Variants in NSUN7 observed in about 807,000 individuals in gnomAD.
NSUN7 encodes NOP2/Sun RNA methyltransferase family member 7.
A neutral mutation model predicts 58.5 loss-of-function variants in NSUN7; 39 were observed. That is an observed-to-expected ratio of 0.67 (90% confidence interval 0.52 to 0.87). The LOEUF is 0.87. NSUN7 is among the 40% of genes least tolerant of loss of function. The probability of loss-of-function intolerance (pLI) is 0.00; values close to 1 mark genes in which losing one functional copy is unlikely to be tolerated. For missense variants in NSUN7, 765 were observed against 844.1 expected (o/e 0.91, Z 1.16); for synonymous variants, 278 against 303.7 (o/e 0.92, Z 0.88).
At chr4:40,777,539 C>T (rs1029763716) in intron 7 of NSUN7, among the ~76,000 whole-genome samples, 3 of 152,172 alleles carry the variant, frequency 2.0e-5, no homozygotes, top group African/African-American at 7.2e-5. Context: ...TGGTCTCGAA[C>T]TCCTGACCTC....
Position 40,750,953 on chromosome 4 carries a change from A to G in NSUN7, c.260A>G (p.Gln87Arg). ...TCCGAGTCTGAGGATCAGTCCTTTCAGCGTTTGTCTTATGAGCTGGCTTTC... is the reference window on the plus strand; with the variant it reads ...TCCGAGTCTGAGGATCAGTCCTTTCGGCGTTTGTCTTATGAGCTGGCTTTC... ...SLSESEDQSF[Q>R]RLSYELAFSA... Residue 87 changes from glutamine (Q) to arginine (R), a missense_variant, in exon 2 of 12, where the codon CAG becomes CGG. By Grantham distance (43) the Gln-to-Arg change is conservative. Transcript: ENST00000381782. The G allele has an allele frequency of 6.2e-7, 1 of 1,614,204 alleles. No individual in the cohort carries two copies. Among genetic ancestry groups the G allele is most frequent in the Non-Finnish European group, 8.5e-7 (1 of 1,180,024 alleles).
At chr4:40,798,928 A>G (rs1201201478) in intron 10 of NSUN7, 24 bp downstream of exon 10, 1 of 1,107,422 alleles carries the variant, frequency 9.0e-7, no homozygotes, top group Non-Finnish European at 1.3e-6. Context: ...GGATTCTTCT[A>G]AACAACTCAA....
chr4:40,752,882 C>T lies in NSUN7; in HGVS notation c.298+1891C>T, dbSNP rs982616163. The stretch of plus-strand genomic sequence containing the variant: ...GTAATTTTTCTTTTCCTTTTAAGTC[C>T]GTCTTAACCATTCTTCCTCCAGTTT... On this transcript the variant is annotated intron_variant, in intron 2 of 11. Transcript: ENST00000381782. Among the ~76,000 whole-genome samples the T allele has an allele frequency of 1.1e-3, 11 of 10,078 alleles. No individual in the cohort carries two copies. The African/African-American group carries it at 0.016, about 15-fold the overall frequency. The allele number at this position is 10,078 out of a possible 152,430, so 6.6% of individuals were successfully genotyped here.
intron 8 of NSUN7, among the ~76,000 whole-genome samples, chr4:40,792,379 T>C (rs1463235654): frequency 6.6e-6 from 1 of 151,644 alleles, no homozygotes; most frequent in Non-Finnish European, 1.5e-5. Flanking sequence ...ATAAGGAAAG[T>C]GGGGAAAGGA....
rs1255706295 is a variant in NSUN7 at position 40,790,550 on chromosome 4, T to A, written c.1037-52T>A. The A allele has an allele frequency of 2.5e-6, 3 of 1,191,336 alleles. No individual in the cohort carries two copies. The East Asian group carries it at 7.4e-5, about 29-fold the overall frequency. The allele number at this position is 1,191,336 out of a possible 1,614,324, so 73.8% of individuals were successfully genotyped here. ...TAAATAGATACAATCACATACTACA[T>A]TAAGATTTTTCATTAATATTTTACA... On this transcript the variant is annotated intron_variant, in intron 7 of 11. Coordinates refer to ENST00000381782, the MANE Select transcript of NSUN7 (RefSeq NM_024677.6).
At position 40,764,698 on chromosome 4, in the gene NSUN7, A is replaced by G. The variant is rs184935653; in HGVS notation, c.488+3397A>G. Among the ~76,000 whole-genome samples the G allele has an allele frequency of 3.8e-3, 573 of 152,278 alleles. 6 individuals carry two copies. Among genetic ancestry groups the G allele is most frequent in the African/African-American group, 0.013 (539 of 41,556 alleles). On this transcript the variant is annotated intron_variant, in intron 4 of 11. Transcript: ENST00000381782. ...TGAACTAGTTTACAGTCCCACCAAC[A>G]GTGTTAAAGTGTTCCTATTTCTCCA...
intron 9 of NSUN7, 43 bp from the exon 10 acceptor site, chr4:40,798,741 ATTG>A (rs754041312): frequency 3.7e-6 from 4 of 1,068,436 alleles, no homozygotes; most frequent in Non-Finnish European, 5.7e-6. Flanking sequence ...TTTGTATAGG[ATTG>A]TTAATATAGT....
In NSUN7 at chr4:40,775,897, C is replaced by T. The variant is rs1742235854; in HGVS notation, c.826-152C>T. The T allele has an allele frequency of 6.0e-6, 3 of 500,214 alleles. No individual in the cohort carries two copies. Among genetic ancestry groups the T allele is most frequent in the Middle Eastern group, 5.2e-4 (1 of 1,918 alleles). The allele number at this position is 500,214 out of a possible 1,614,324, so 31.0% of individuals were successfully genotyped here. A position where few individuals can be genotyped will look rare whatever the true frequency, so the allele number is the denominator to read the frequency against. ...TAAACATCAGTTGTCTTTGTTAACT[C>T]TTTACTTAGACATATATTAAGATGT... On this transcript the variant is annotated intron_variant, in intron 6 of 11. Transcript: ENST00000381782. This position sits in a 1 kb window ranked among gnomAD's most constrained non-coding sequence, Gnocchi z 4.3.
Position 40,808,978 on chromosome 4 carries a change from T to C in NSUN7, c.*39T>C, listed in dbSNP as rs1304308737. On this transcript the variant is annotated 3_prime_UTR_variant, in exon 12 of 12. Transcript: ENST00000381782. ...TTTATAGGGGCCAAAGAGCAGTTGA[T>C]TTTTTTTCAAAGTCTAGTATTTCTC... 4 of 1,458,988 alleles carry C rather than the reference T, an allele frequency of 2.7e-6. No homozygotes were observed. The highest frequency in any genetic ancestry group is 2.6e-5 in the Admixed American group (1 of 37,948). 90.4% of individuals were successfully genotyped at this position (1,458,988 alleles called of 1,614,324 possible). A position where few individuals can be genotyped will look rare whatever the true frequency, so the allele number is the denominator to read the frequency against.
chr4:40,789,750 C>T (rs1742992466), intron 7 of NSUN7, among the ~76,000 whole-genome samples: 1 of 151,766 alleles, frequency 6.6e-6, no homozygotes, highest in Non-Finnish European at 1.5e-5. Flanking sequence ...AAAAGGACCA[C>T]TCAATTTAAA....
intron 7 of NSUN7, chr4:40,786,167 A>C: frequency 6.2e-7 from 1 of 1,613,328 alleles, no homozygotes; most frequent in Non-Finnish European, 8.5e-7. Flanking sequence ...CCTTCATTTC[A>C]GTCCTTCCAC....
intron 10 of NSUN7, among the ~76,000 whole-genome samples, 176 bp downstream of exon 10, chr4:40,799,080 T>TTTTG (rs1743453911): frequency 1.5e-5 from 2 of 136,644 alleles, no homozygotes; most frequent in Non-Finnish European, 3.1e-5. Context: ...TTTCTTTTTT[T>TTTTG]TTTTTTTTTT....
chr4:40,773,453 C>T (rs865803318), intron 4 of NSUN7, among the ~76,000 whole-genome samples: 7 of 152,008 alleles, frequency 4.6e-5, no homozygotes, highest in Non-Finnish European at 1.0e-4. Context: ...GAGGCTGAGG[C>T]GGGCGGATCA....
intron 8 of NSUN7, among the ~76,000 whole-genome samples, chr4:40,793,518 G>T (rs1290082846): frequency 6.6e-6 from 1 of 152,166 alleles, no homozygotes; most frequent in Non-Finnish European, 1.5e-5. Context: ...AAATTGGGAA[G>T]AAATGGAGTT....
chr4:40,758,216 G>T (rs951424905), intron 2 of NSUN7, among the ~76,000 whole-genome samples: 1 of 151,966 alleles, frequency 6.6e-6, no homozygotes, highest in African/African-American at 2.4e-5. Flanking sequence ...CACCACACCC[G>T]GCCAGCTTTT....
intron 4 of NSUN7, among the ~76,000 whole-genome samples, chr4:40,761,833 G>C (rs1741477177): frequency 6.6e-6 from 1 of 152,200 alleles, no homozygotes; most frequent in Non-Finnish European, 1.5e-5. Context: ...AGATGGGACA[G>C]TGGATTAAAT....
In NSUN7 at chr4:40,750,744, G is replaced by A; in HGVS notation, c.51G>A (p.Glu17=). ...AGTTTTCGAACGAAGAAGATCCCGA[G>A]ATCATCTCCCAACTCACTTCCCTGC... ...ELEFSNEEDP[E]IISQLTSLPL... Residue 17 remains glutamate, a synonymous_variant, in exon 2 of 12, where the codon GAG becomes GAA. Transcript: ENST00000381782. 1 of 1,614,128 alleles carries A rather than the reference G, an allele frequency of 6.2e-7. No individual in the cohort carries two copies. The highest frequency in any genetic ancestry group is 8.5e-7 in the Non-Finnish European group (1 of 1,180,018).
chr4:40,757,628 T>C (rs7655434), intron 2 of NSUN7, among the ~76,000 whole-genome samples: 66,420 of 143,510 alleles, frequency 0.46, 15,685 homozygotes, highest in Admixed American at 0.6. Flanking sequence ...TATATATATA[T>C]ACATTGTGTG....
intron 7 of NSUN7, among the ~76,000 whole-genome samples, chr4:40,789,909 TA>T (rs1462296424): frequency 2.0e-5 from 3 of 152,072 alleles, no homozygotes; most frequent in Admixed American, 1.3e-4. Context: ...GGCTGTAAGA[TA>T]GGGGGCACAG....
Sources: gnomAD v4.1 joint callset for allele counts (sites outside exome capture counted in the v4.1 genomes callset) on GRCh38, gnomAD v4.1.1 for gene constraint, Gnocchi (gnomAD v3.1) non-coding constraint, MANE v1.5 for transcripts, NCBI Gene and HGNC (gene_info 2026-07-23, HGNC 2026-07-21) for gene names.